Variants in HECTD2 observed in about 807,000 individuals in gnomAD.
HECTD2 encodes probable E3 ubiquitin-protein ligase HECTD2.
A neutral mutation model predicts 103.2 loss-of-function variants in HECTD2; 35 were observed. The observed-to-expected ratio is 0.34, with a 90% confidence interval of 0.26 to 0.45. HECTD2 has a LOEUF of 0.45. Among genes scored for constraint, HECTD2 ranks in the 20% least tolerant of loss-of-function variants. The pLI is 1.00. For synonymous variants in HECTD2, 281 were observed against 329.9 expected, an observed-to-expected ratio of 0.85 and a Z score of 1.61; for missense variants, 596 against 937.4, an observed-to-expected ratio of 0.64 and a Z score of 4.76.
At chr10:91,473,826 G>A (rs1387335446) in intron 5 of HECTD2, among the ~76,000 whole-genome samples, 6 of 152,028 alleles carry the variant, frequency 3.9e-5, no homozygotes, top group African/African-American at 1.5e-4. Context: ...TATTGGTGAG[G>A]TTCTGATCAA....
At chr10:91,434,355 A>G (rs946181552) in intron 2 of HECTD2, among the ~76,000 whole-genome samples, 1 of 151,942 alleles carries the variant, frequency 6.6e-6, no homozygotes, top group Non-Finnish European at 1.5e-5. Flanking sequence ...GGATCCTTCA[A>G]CTTGTAGCTC....
intron 1 of HECTD2, among the ~76,000 whole-genome samples, chr10:91,420,747 GTCTTT>G (rs1329940811): frequency 6.6e-6 from 1 of 152,150 alleles, no homozygotes; most frequent in Non-Finnish European, 1.5e-5. Context: ...TAGCTAGTCA[GTCTTT>G]TCTATATTCC....
chr10:91,421,246 A>C (rs531207695), intron 1 of HECTD2, among the ~76,000 whole-genome samples: 1 of 152,040 alleles, frequency 6.6e-6, no homozygotes, highest in East Asian at 1.9e-4. Flanking sequence ...TCATTATTTA[A>C]CATTATTGAC....
rs1041009294 is a variant in HECTD2, at chr10:91,507,486, C to A, written c.2211-4778C>A. The stretch of plus-strand genomic sequence containing the variant: ...AGCATTCTTATACACCAATAACAGA[C>A]AAACAGCCAAATCATGAGTGAACTC... On this transcript the variant is annotated intron_variant, in intron 20 of 20. Coordinates refer to ENST00000298068, the MANE Select transcript of HECTD2 (RefSeq NM_182765.6). Among the ~76,000 whole-genome samples, 70 of 152,296 alleles carry A rather than the reference C, an allele frequency of 4.6e-4. 1 individual carries two copies. Among genetic ancestry groups the A allele is most frequent in the Middle Eastern group, 3.4e-3 (1 of 294 alleles).
intron 1 of HECTD2, among the ~76,000 whole-genome samples, chr10:91,423,074 C>G (rs940402735): frequency 6.6e-6 from 1 of 152,132 alleles, no homozygotes; most frequent in Admixed American, 6.6e-5. Context: ...CAACATACAT[C>G]TATAAAAGTA....
chr10:91,485,144 T>A, intron 9 of HECTD2, 36 bp from the exon 10 acceptor site: 1 of 1,436,302 alleles, frequency 7.0e-7, no homozygotes, highest in Non-Finnish European at 9.4e-7. Flanking sequence ...TTGTACATGT[T>A]GGAAAAAGTC....
chr10:91,475,885 C>T (rs755465778), intron 5 of HECTD2, among the ~76,000 whole-genome samples: 2 of 152,126 alleles, frequency 1.3e-5, no homozygotes, highest in South Asian at 2.1e-4. Context: ...GGGACACAGC[C>T]GACCCATGAC....
chr10:91,463,192 A>G (rs1400860693), intron 5 of HECTD2: 1 of 152,146 alleles, frequency 6.6e-6, no homozygotes, highest in African/African-American at 2.4e-5. Flanking sequence ...TAACATAAAC[A>G]GTCAATTAAC....
intron 2 of HECTD2, among the ~76,000 whole-genome samples, chr10:91,426,150 A>G (rs965174763): frequency 2.0e-5 from 3 of 152,066 alleles, no homozygotes; most frequent in Non-Finnish European, 4.4e-5. Flanking sequence ...TACTTTGAGC[A>G]TAGAGGGGTG....
intron 2 of HECTD2, among the ~76,000 whole-genome samples, chr10:91,450,942 A>G (rs1193927967): frequency 1.3e-5 from 2 of 152,200 alleles, no homozygotes; most frequent in African/African-American, 4.8e-5. Context: ...CCATTGTGGA[A>G]GATGGTGTGG....
intron 20 of HECTD2, among the ~76,000 whole-genome samples, chr10:91,505,704 G>C (rs1383109221): frequency 6.6e-6 from 1 of 151,298 alleles, no homozygotes; most frequent in Non-Finnish European, 1.5e-5. Context: ...GTCAACATTA[G>C]ACAGATCAAC....
chr10:91,421,922 T>A (rs1362022722), intron 1 of HECTD2, among the ~76,000 whole-genome samples: 2 of 152,246 alleles, frequency 1.3e-5, no homozygotes, highest in Non-Finnish European at 2.9e-5. Flanking sequence ...CTGAAATCGC[T>A]GTTAACAATT....
At chr10:91,462,321 T>C in intron 5 of HECTD2, 137 bp downstream of exon 5, 2 of 1,150,496 alleles carry the variant, frequency 1.7e-6, no homozygotes, top group South Asian at 5.4e-5. Context: ...GTAGCTGGAA[T>C]TCTCATAAAG....
chr10:91,471,680 A>T (rs1845732864), intron 5 of HECTD2, among the ~76,000 whole-genome samples: 1 of 152,226 alleles, frequency 6.6e-6, no homozygotes, highest in African/African-American at 2.4e-5. Flanking sequence ...CTAAGCAGAG[A>T]GCCAAATCAA....
At chr10:91,425,086 A>T (rs1435274638) in intron 1 of HECTD2, among the ~76,000 whole-genome samples, 195 bp from the exon 2 acceptor site, 1 of 152,064 alleles carries the variant, frequency 6.6e-6, no homozygotes, top group African/African-American at 2.4e-5. Flanking sequence ...TCAATTTGTA[A>T]TTGGATAGAT....
rs371300041 is a variant in HECTD2 at position 91,496,222 on chromosome 10, A to G, written c.1530A>G (p.Gly510=). 5.0e-6 allele frequency: 8 copies of G among 1,610,354 alleles called. No individual in the cohort carries two copies. In the African/African-American group the frequency reaches 1.1e-4, roughly 22 times the overall value. Residue 510 remains glycine (G), a synonymous_variant, in exon 15 of 21, where the codon GGA becomes GGG. Coordinates refer to ENST00000298068, the MANE Select transcript of HECTD2 (RefSeq NM_182765.6). ...ACATTTAGTATGCATAGCTTATGGGACTAGCTGTTTATAACAGCATCACCT... is the reference window on the plus strand; with the variant it reads ...ACATTTAGTATGCATAGCTTATGGGGCTAGCTGTTTATAACAGCATCACCT... ...SEFRLVGILM[G]LAVYNSITLD... is the part of the protein sequence containing the mutation.
chr10:91,411,365 C>A (rs1056964328), intron 1 of HECTD2, among the ~76,000 whole-genome samples: 1 of 151,984 alleles, frequency 6.6e-6, no homozygotes. Context: ...TAAAAAAAAA[C>A]CTCGGATTTT....
At chr10:91,416,447 T>C (rs1843130878) in intron 1 of HECTD2, among the ~76,000 whole-genome samples, 1 of 152,230 alleles carries the variant, frequency 6.6e-6, no homozygotes, top group South Asian at 2.1e-4. Context: ...TTTAGATGCA[T>C]ACTTAGTGTT....
rs140899600 is a variant in HECTD2 at position 91,458,037 on chromosome 10, A to AAAC, written c.269-2390_269-2389insAAC. Among the ~76,000 whole-genome samples, 178 of 148,234 alleles carry AAAC rather than the reference A, an allele frequency of 1.2e-3. 1 individual carries two copies. Among genetic ancestry groups the AAAC allele is most frequent in the African/African-American group, 3.5e-3 (139 of 39,272 alleles). ...ATTGTCTATGCAAAAAAAAAAAAAAACCCATGAAATCTCAAAAAAAAACCT... is the reference window on the plus strand; with the variant it reads ...ATTGTCTATGCAAAAAAAAAAAAAAAAACCCCATGAAATCTCAAAAAAAAACCT... On this transcript the variant is annotated intron_variant, in intron 2 of 20. Coordinates refer to ENST00000298068, the MANE Select transcript of HECTD2 (RefSeq NM_182765.6).
Sources: allele counts gnomAD v4.1 joint callset (sites outside exome capture counted in the v4.1 genomes callset), GRCh38; gene constraint gnomAD v4.1.1; transcripts MANE v1.5; gene names NCBI Gene and HGNC (gene_info 2026-07-23, HGNC 2026-07-21).